FHIT: variants seen among roughly 807,000 people sequenced by gnomAD.
FHIT encodes the protein bis(5'-adenosyl)-triphosphatase.
In FHIT, 19 loss-of-function variants were observed where a neutral mutation model predicts 17.9. The ratio of observed to expected loss-of-function variants is 1.06; its 90% CI spans 0.74 to 1.56. The LOEUF (loss-of-function observed/expected upper bound fraction) is 1.56. FHIT is among the 40% of genes most tolerant of loss of function. The pLI, the probability that FHIT is intolerant of heterozygous loss-of-function variation, is 0.00. For synonymous variants in FHIT, 81 were observed against 69.7 expected (o/e 1.16, Z -0.81); for missense variants, 248 against 189.2 (o/e 1.31, Z -1.82).
At chr3:60,991,801 A>G (rs1241286500) in intron 3 of FHIT, among the ~76,000 whole-genome samples, 1 of 151,258 alleles carries the variant, frequency 6.6e-6, no homozygotes, top group African/African-American at 2.4e-5. Flanking sequence ...TGTTGTTGTT[A>G]TTATTATTAT....
At chr3:60,908,785 C>T (rs553927690) in intron 3 of FHIT, among the ~76,000 whole-genome samples, 15 of 149,536 alleles carry the variant, frequency 1.0e-4, no homozygotes, top group Admixed American at 2.7e-4. Context: ...AGCTTGAAAA[C>T]GCAGGGCAAC....
chr3:61,104,203 A>G (rs1224936721), intron 2 of FHIT, among the ~76,000 whole-genome samples: 1 of 152,130 alleles, frequency 6.6e-6, no homozygotes, highest in Non-Finnish European at 1.5e-5. Context: ...AGTGGCTGGT[A>G]GCCATCCATT....
At chr3:61,201,385 T>C (rs546481932) in intron 1 of FHIT, among the ~76,000 whole-genome samples, 20 of 152,326 alleles carry the variant, frequency 1.3e-4, no homozygotes, top group African/African-American at 4.8e-4. Flanking sequence ...GTGAAGCTGG[T>C]TCTTTAATCA....
intron 3 of FHIT, among the ~76,000 whole-genome samples, chr3:60,911,207 C>T (rs746912069): frequency 7.8e-4 from 119 of 152,208 alleles, no homozygotes; most frequent in South Asian, 1.7e-3. Flanking sequence ...TATATTTTTC[C>T]TTTAACTGGC....
chr3:60,821,317 A>G (rs1701923147), intron 4 of FHIT, among the ~76,000 whole-genome samples: 1 of 152,206 alleles, frequency 6.6e-6, no homozygotes, highest in South Asian at 2.1e-4. Context: ...TCAAAGATGC[A>G]TACAGATAAG....
At chr3:59,819,829 G>C (rs1186636917) in intron 8 of FHIT, among the ~76,000 whole-genome samples, 1 of 152,158 alleles carries the variant, frequency 6.6e-6, no homozygotes, top group Non-Finnish European at 1.5e-5. Context: ...GAGCCTTTGG[G>C]GAAGTGATTA....
At chr3:59,904,316 TA>T (rs35782604) in intron 8 of FHIT, among the ~76,000 whole-genome samples, 201 of 130,440 alleles carry the variant, frequency 1.5e-3, no homozygotes, top group Middle Eastern at 3.8e-3. Context: ...GGAAACTAAT[TA>T]AAAAAAAAAA....
At chr3:61,240,822 T>C (rs151147411) in intron 1 of FHIT, among the ~76,000 whole-genome samples, 1 of 152,334 alleles carries the variant, frequency 6.6e-6, no homozygotes, top group East Asian at 1.9e-4. Flanking sequence ...TTAGAATCAC[T>C]AGAGCATGTC....
chr3:60,532,694 C>T (rs374787762), intron 5 of FHIT, among the ~76,000 whole-genome samples: 85 of 152,320 alleles, frequency 5.6e-4, no homozygotes, highest in African/African-American at 2.0e-3. Flanking sequence ...GGAACAGAAG[C>T]GTTTGCTTCA....
chr3:61,053,977 G>C (rs2034123654), intron 2 of FHIT, among the ~76,000 whole-genome samples: 1 of 152,154 alleles, frequency 6.6e-6, no homozygotes. Flanking sequence ...GCAAGCGCTG[G>C]GAAAGGAGCA....
At chr3:60,679,817 G>T (rs908765929) in intron 4 of FHIT, among the ~76,000 whole-genome samples, 16 of 151,316 alleles carry the variant, frequency 1.1e-4, no homozygotes, top group African/African-American at 3.6e-4. Context: ...AAATGATGGG[G>T]TTTTTTTTGC....
intron 5 of FHIT, among the ~76,000 whole-genome samples, chr3:60,173,488 A>G (rs1056644728): frequency 2.0e-5 from 3 of 152,128 alleles, no homozygotes; most frequent in African/African-American, 7.2e-5. Flanking sequence ...TTTCAGAGAA[A>G]AAAAGTATGA....
chr3:61,228,000 T>C (rs1008729751), intron 1 of FHIT, among the ~76,000 whole-genome samples: 1 of 152,172 alleles, frequency 6.6e-6, no homozygotes, highest in African/African-American at 2.4e-5. Flanking sequence ...TCACCAGCAA[T>C]GACTTTAGCA....
intron 5 of FHIT, among the ~76,000 whole-genome samples, chr3:60,362,866 G>C (rs1204247804): frequency 6.6e-6 from 1 of 152,072 alleles, no homozygotes; most frequent in African/African-American, 2.4e-5. Flanking sequence ...CAAAAAGAGG[G>C]GCAAAAAGGC....
At chr3:61,114,457 G>A (rs1037763656) in intron 2 of FHIT, among the ~76,000 whole-genome samples, 1 of 152,104 alleles carries the variant, frequency 6.6e-6, no homozygotes, top group Non-Finnish European at 1.5e-5. Flanking sequence ...TTCTTGTAGG[G>A]CCTCCACCAA....
chr3:60,101,685 T>C (rs576573890), intron 5 of FHIT, among the ~76,000 whole-genome samples: 1 of 152,322 alleles, frequency 6.6e-6, no homozygotes, highest in East Asian at 1.9e-4. Flanking sequence ...TACCCCCTAT[T>C]AACCTGCAAC....
rs571536712 is a variant in FHIT at position 59,838,228 on chromosome 3, T to C, written c.348+84118A>G. On this transcript the variant is annotated intron_variant, in intron 8 of 9. Transcript: ENST00000492590. ...GTTCCCTGACCCCAGTCCCACTCTC[T>C]ACCCAAACAACCTGCCCTCAATGCC... Among the ~76,000 whole-genome samples, 13 of 152,238 alleles carry C rather than the reference T, an allele frequency of 8.5e-5. No homozygotes were observed. In the South Asian group the frequency reaches 2.7e-3, roughly 32 times the overall value.
intron 1 of FHIT, among the ~76,000 whole-genome samples, chr3:61,248,129 C>A (rs2040529558): frequency 6.6e-6 from 1 of 152,196 alleles, no homozygotes; most frequent in Non-Finnish European, 1.5e-5. Context: ...AGCAAAGTAA[C>A]CTCCTACATC....
At chr3:60,194,613 G>T (rs945302673) in intron 5 of FHIT, among the ~76,000 whole-genome samples, 4 of 152,106 alleles carry the variant, frequency 2.6e-5, no homozygotes, top group Non-Finnish European at 5.9e-5. Context: ...AAAAGCTTCT[G>T]CACAGCAAAA....
Sources: allele counts gnomAD v4.1 joint callset (sites outside exome capture counted in the v4.1 genomes callset), GRCh38; gene constraint gnomAD v4.1.1; transcripts MANE v1.5; gene names NCBI Gene and HGNC (gene_info 2026-07-23, HGNC 2026-07-21).